The following ZNF468 variants were observed in gnomAD, a reference collection of about 807,000 sequenced individuals.
ZNF468 encodes zinc finger protein ZNF468.
Under a neutral mutation model 7.2 loss-of-function variants are expected in ZNF468, and 8 were observed. That is an observed-to-expected ratio of 1.11 (90% CI 0.65 to 2.01). The LOEUF is 2.01. Among genes scored for constraint, ZNF468 ranks in the 30% most tolerant of loss-of-function variants. The probability of loss-of-function intolerance (pLI) is 0.00; values close to 1 mark genes in which losing one functional copy is unlikely to be tolerated. For missense variants in ZNF468, 608 were observed against 626.5 expected, an observed-to-expected ratio of 0.97 and a Z score of 0.31; for synonymous variants, 218 against 214.4, an observed-to-expected ratio of 1.02 and a Z score of -0.15.
rs1568679839 is a variant in ZNF468, at chr19:52,848,390, G to C, written c.142+697C>G. ...AAGAAGACATTACCAAAGGATCTAG[G>C]AAAACAGTTCACAAATTGCTCCACC... is the stretch of plus-strand genomic sequence containing the variant. On this transcript the variant is annotated intron_variant, in intron 3 of 3. Transcript: ENST00000595646. Among the ~76,000 whole-genome samples the C allele has an allele frequency of 3.9e-5, 6 of 152,140 alleles. No homozygotes were observed. The East Asian group carries it at 9.6e-4, about 24-fold the overall frequency.
intron 2 of ZNF468, among the ~76,000 whole-genome samples, chr19:52,851,624 C>A (rs2063390607): frequency 1.3e-5 from 2 of 151,708 alleles, no homozygotes; most frequent in African/African-American, 2.4e-5. Flanking sequence ...ACCTGTGGTC[C>A]CTGCTACCTC....
chr19:52,839,230 C>T lies in ZNF468; in HGVS notation c.*1495G>A, dbSNP rs750876236. On this transcript the variant is annotated 3_prime_UTR_variant, in exon 4 of 4. Coordinates refer to ENST00000595646, the MANE Select transcript of ZNF468 (RefSeq NM_001008801.2). ...TCGTGCCACTGCACTCCAACCTGGG[C>T]GACAGAGCAAGACTCCATCTCAAAA... 14 of 165,694 alleles carry T rather than the reference C, an allele frequency of 8.4e-5. No homozygotes were observed. The highest frequency in any genetic ancestry group is 1.2e-4 in the Non-Finnish European group (9 of 77,324). The allele number at this position is 165,694 out of a possible 1,614,324, so 10.3% of individuals were successfully genotyped here. A position where few individuals can be genotyped will look rare whatever the true frequency, so the allele number is the denominator to read the frequency against.
intron 3 of ZNF468, among the ~76,000 whole-genome samples, chr19:52,843,577 T>C (rs1258791950): frequency 1.3e-5 from 2 of 152,130 alleles, no homozygotes; most frequent in Admixed American, 6.5e-5. Context: ...TTATATTGCA[T>C]ACCACATACC....
intron 2 of ZNF468, among the ~76,000 whole-genome samples, chr19:52,850,335 T>C (rs991918828): frequency 2.6e-5 from 4 of 152,034 alleles, no homozygotes; most frequent in African/African-American, 9.7e-5. Context: ...TTCAGATATC[T>C]GTAGTAATGC....
Position 52,839,993 on chromosome 19 carries a change from G to T in ZNF468, c.*732C>A. On this transcript the variant is annotated 3_prime_UTR_variant, in exon 4 of 4. Coordinates refer to ENST00000595646, the MANE Select transcript of ZNF468 (RefSeq NM_001008801.2). ...CCATGGATTGCTTGATGGTGAATAA[G>T]TGGTGACTGCCCACTAAAGGGTTTG... 1 of 1,310,228 alleles carries T rather than the reference G, an allele frequency of 7.6e-7. No individual in the cohort carries two copies. The highest frequency in any genetic ancestry group is 1.0e-6 in the Non-Finnish European group (1 of 981,104). The allele number at this position is 1,310,228 out of a possible 1,614,324, so 81.2% of individuals were successfully genotyped here.
chr19:52,839,764 C>T lies in ZNF468; in HGVS notation c.*961G>A, dbSNP rs1203540811. 6.0e-6 allele frequency: 3 copies of T among 495,972 alleles called. No homozygotes were observed. Among genetic ancestry groups the T allele is most frequent in the Admixed American group, 2.4e-5 (1 of 42,512 alleles). The allele number at this position is 495,972 out of a possible 1,614,324, so 30.7% of individuals were successfully genotyped here. A position where few individuals can be genotyped will look rare whatever the true frequency, so the allele number is the denominator to read the frequency against. ...GCATAGGATGAAGCTTGACTGAAGA[C>T]CTTGCCTCAATCATGACATTTATAA... On this transcript the variant is annotated 3_prime_UTR_variant, in exon 4 of 4. Coordinates refer to ENST00000595646, the MANE Select transcript of ZNF468 (RefSeq NM_001008801.2).
chr19:52,842,419 T>C (rs2063312179), intron 3 of ZNF468, among the ~76,000 whole-genome samples: 1 of 152,076 alleles, frequency 6.6e-6, no homozygotes, highest in Non-Finnish European at 1.5e-5. Context: ...GAAAGGAGTG[T>C]TTTTCCACTG....
At chr19:52,851,495 TGAACTGG>T (rs2063389610) in intron 2 of ZNF468, among the ~76,000 whole-genome samples, 1 of 151,508 alleles carries the variant, frequency 6.6e-6, no homozygotes, top group African/African-American at 2.4e-5. Flanking sequence ...GAAAACTGCT[TGAACTGG>T]GAAGGCAGAG....
intron 3 of ZNF468, among the ~76,000 whole-genome samples, chr19:52,845,834 G>C (rs1015474789): frequency 1.3e-5 from 2 of 151,914 alleles, no homozygotes; most frequent in African/African-American, 4.8e-5. Context: ...GAAAAACCCT[G>C]TCTCTACTAA....
chr19:52,854,190 C>A, intron 2 of ZNF468, 68 bp downstream of exon 2: 1 of 1,611,800 alleles, frequency 6.2e-7, no homozygotes, highest in Non-Finnish European at 8.5e-7. Context: ...CCCAGACATT[C>A]CCAACTCCAA....
intron 1 of ZNF468, among the ~76,000 whole-genome samples, chr19:52,857,188 C>T: frequency 6.6e-6 from 1 of 151,826 alleles, no homozygotes. Flanking sequence ...CGCAGCCTTC[C>T]CGGGACTGGG....
Position 52,838,218 on chromosome 19 carries a change from G to A in ZNF468, c.*2507C>T, listed in dbSNP as rs763621208. The A allele has an allele frequency of 2.0e-5, 3 of 152,088 alleles. No individual in the cohort carries two copies. Among genetic ancestry groups the A allele is most frequent in the Non-Finnish European group, 2.9e-5 (2 of 68,028 alleles). The allele number at this position is 152,088 out of a possible 1,614,324, so 9.4% of individuals were successfully genotyped here. On this transcript the variant is annotated 3_prime_UTR_variant, in exon 4 of 4. Coordinates refer to ENST00000595646, the MANE Select transcript of ZNF468 (RefSeq NM_001008801.2). ...GTTCAACATAGTCAAGCAAATCAAT[G>A]TGATATACCACTTGAACACAATGAA...
rs2063285556 is a variant in ZNF468 at position 52,840,476 on chromosome 19, T to C, written c.*249A>G. On this transcript the variant is annotated 3_prime_UTR_variant, in exon 4 of 4. Coordinates refer to ENST00000595646, the MANE Select transcript of ZNF468 (RefSeq NM_001008801.2). ...CCTTGTCACAAACCTTACCTCTGTA[T>C]GGTTTCTCTTCAATGTGAATTTTCT... The C allele has an allele frequency of 1.0e-5, 8 of 799,292 alleles. No individual in the cohort carries two copies. Among genetic ancestry groups the C allele is most frequent in the East Asian group, 2.7e-5 (1 of 37,492 alleles). 49.5% of individuals were successfully genotyped at this position (799,292 alleles called of 1,614,324 possible).
intron 3 of ZNF468, among the ~76,000 whole-genome samples, chr19:52,844,417 T>C (rs1309709513): frequency 6.6e-6 from 1 of 152,172 alleles, no homozygotes; most frequent in African/African-American, 2.4e-5. Context: ...CCAAATTCAT[T>C]AGAAATAAAT....
chr19:52,842,115 G>T lies in ZNF468; in HGVS notation c.179C>A (p.Ser60Ter), dbSNP rs1377763832. 1 of 1,597,256 alleles carries T rather than the reference G, an allele frequency of 6.3e-7. No homozygotes were observed. The highest frequency in any genetic ancestry group is 8.5e-7 in the Non-Finnish European group (1 of 1,172,194). The stretch of plus-strand genomic sequence containing the variant: ...CACTTCTGTATTGCCTTGCCCTGTT[G>T]ACGACAACGTCTTCAACATGCATTT... ...SSKCMLKTLS[S>*]TGQGNTEVIH... Residue 60 changes from serine (S) to a stop codon, truncating the protein, a stop_gained, in exon 4 of 4, where the codon TCA (serine) becomes TAA (stop). Transcript: ENST00000595646. LOFTEE classifies it low-confidence loss of function (END_TRUNC).
In ZNF468 at chr19:52,839,340, GACCT is replaced by G. The variant is rs1474492640; in HGVS notation, c.*1381_*1384del. On this transcript the variant is annotated 3_prime_UTR_variant, in exon 4 of 4. Transcript: ENST00000595646. ...TGTTCTCAAACTCGTGAGCTCCAGT[GACCT>G]ACCTGTCTTTGCCTCTCAAAGTGCT... 2 of 206,054 alleles carry G rather than the reference GACCT, an allele frequency of 9.7e-6. No individual in the cohort carries two copies. The highest frequency in any genetic ancestry group is 5.6e-5 in the Admixed American group (1 of 17,978). 12.8% of individuals were successfully genotyped at this position (206,054 alleles called of 1,614,324 possible).
Position 52,854,242 on chromosome 19 carries a change from G to C in ZNF468, c.15+16C>G. 6.2e-7 allele frequency: 1 copy of C among 1,613,806 alleles called. No individual in the cohort carries two copies. The highest frequency in any genetic ancestry group is 1.1e-5 in the South Asian group (1 of 91,062). On this transcript the variant is annotated intron_variant, in intron 2 of 3. Coordinates refer to ENST00000595646, the MANE Select transcript of ZNF468 (RefSeq NM_001008801.2). ...AAGGAAGGAGACAGAACAATCCACC[G>C]AGGATATCATCTCACCTGAGGAAGA... is the stretch of plus-strand genomic sequence containing the variant.
At chr19:52,843,750 T>C (rs1266612231) in intron 3 of ZNF468, among the ~76,000 whole-genome samples, 3 of 152,128 alleles carry the variant, frequency 2.0e-5, no homozygotes, top group African/African-American at 7.2e-5. Flanking sequence ...GCACACAGTG[T>C]AAGAACTGAA....
chr19:52,845,028 T>C (rs1341861492), intron 3 of ZNF468, among the ~76,000 whole-genome samples: 2 of 152,152 alleles, frequency 1.3e-5, no homozygotes, highest in Non-Finnish European at 2.9e-5. Context: ...ACAGGCAAAG[T>C]GTGGTGGCTC....
Sources: gnomAD v4.1 joint callset for allele counts (sites outside exome capture counted in the v4.1 genomes callset) on GRCh38, gnomAD v4.1.1 for gene constraint, MANE v1.5 for transcripts, NCBI Gene and HGNC (gene_info 2026-07-23, HGNC 2026-07-21) for gene names.